Variants in KDM4B observed in about 807,000 individuals in gnomAD.
KDM4B encodes lysine-specific demethylase 4B.
Under a neutral mutation model 125.2 loss-of-function variants are expected in KDM4B, and 32 were observed. The ratio of observed to expected loss-of-function variants is 0.26; its 90% CI spans 0.19 to 0.34. The LOEUF (loss-of-function observed/expected upper bound fraction) is 0.34, where lower values mean the gene tolerates loss of function less well. Ranked by LOEUF, KDM4B falls within the 10% of genes least tolerant of loss-of-function variation. The probability of loss-of-function intolerance (pLI) is 1.00; values close to 1 mark genes in which losing one functional copy is unlikely to be tolerated. For missense variants in KDM4B, 1,190 were observed against 1,577.7 expected (o/e 0.75, Z 4.16); for synonymous variants, 721 against 677.9 (o/e 1.06, Z -0.99).
intron 11 of KDM4B, among the ~76,000 whole-genome samples, chr19:5,123,608 C>T (rs765729453): frequency 3.5e-4 from 54 of 152,248 alleles, no homozygotes; most frequent in Non-Finnish European, 7.1e-4. Flanking sequence ...CGAGGGGCTT[C>T]CTGCAGGGCA....
At chr19:4,988,690 A>G (rs541402320) in intron 1 of KDM4B, among the ~76,000 whole-genome samples, 1 of 151,992 alleles carries the variant, frequency 6.6e-6, no homozygotes, top group South Asian at 2.1e-4. Context: ...AGATGAAGAC[A>G]TGTGTAGGGT....
intron 22 of KDM4B, 23 bp from the exon 23 acceptor site, chr19:5,151,312 A>G (rs960154676): frequency 1.3e-6 from 2 of 1,502,270 alleles, no homozygotes; most frequent in African/African-American, 2.9e-5. Flanking sequence ...CGTGCTAACC[A>G]CTGTGCTTCC....
intron 1 of KDM4B, 92 bp downstream of exon 1, chr19:4,969,322 C>T (rs1339077197): frequency 1.4e-5 from 2 of 146,346 alleles, no homozygotes; most frequent in Non-Finnish European, 3.0e-5. Flanking sequence ...TGCGGGCGCG[C>T]CCGGGACTCG....
intron 1 of KDM4B, among the ~76,000 whole-genome samples, chr19:4,986,184 C>A (rs763876942): frequency 6.6e-6 from 1 of 152,156 alleles, no homozygotes; most frequent in South Asian, 2.1e-4. Flanking sequence ...TGTGCCATGG[C>A]GCTCGCCAAG....
At chr19:4,986,665 G>A (rs1014770761) in intron 1 of KDM4B, among the ~76,000 whole-genome samples, 5 of 152,226 alleles carry the variant, frequency 3.3e-5, no homozygotes, top group Non-Finnish European at 7.3e-5. Context: ...TGCTTTAGCC[G>A]GGGGAACAGG....
chr19:5,057,681 G>T (rs1048576821), intron 6 of KDM4B, among the ~76,000 whole-genome samples: 2 of 152,164 alleles, frequency 1.3e-5, no homozygotes, highest in African/African-American at 2.4e-5. Flanking sequence ...AGAGACGTCC[G>T]ATCTGCCCTT....
intron 6 of KDM4B, among the ~76,000 whole-genome samples, chr19:5,066,738 A>G (rs539150107): frequency 1.4e-4 from 22 of 152,204 alleles, no homozygotes; most frequent in Non-Finnish European, 2.9e-4. Context: ...GCTACCAGGT[A>G]TATGGCTCCA....
intron 6 of KDM4B, among the ~76,000 whole-genome samples, chr19:5,049,738 A>G (rs1004021668): frequency 6.6e-6 from 1 of 152,082 alleles, no homozygotes; most frequent in Admixed American, 6.5e-5. Context: ...AACGTCTACT[A>G]CGGGCTATCA....
At position 5,150,352 on chromosome 19, in the gene KDM4B, C is replaced by T. The variant is rs778906562; in HGVS notation, c.3022-6C>T. 53 of 1,550,488 alleles carry T rather than the reference C, an allele frequency of 3.4e-5. No homozygotes were observed. The highest frequency in any genetic ancestry group is 4.3e-5 in the Non-Finnish European group (49 of 1,146,450). On this transcript the variant is annotated splice_region_variant and splice_polypyrimidine_tract_variant and intron_variant, in intron 21 of 22. Coordinates refer to ENST00000159111, the MANE Select transcript of KDM4B (RefSeq NM_015015.3). ...CCAGGCCCCTGAGAGCCACATCCCC[C>T]TGCAGGTGGAGTTTGAGGACGGGTC... is the stretch of plus-strand genomic sequence containing the variant.
chr19:5,119,229 T>TG, intron 10 of KDM4B: 1 of 1,508,400 alleles, frequency 6.6e-7, no homozygotes, highest in Non-Finnish European at 8.9e-7. Flanking sequence ...CGTAAGTGTC[T>TG]TTTTCGTTCC....
At chr19:5,131,834 C>T (rs2039562201) in intron 12 of KDM4B, 53 bp from the exon 13 acceptor site, 3 of 1,610,852 alleles carry the variant, frequency 1.9e-6, no homozygotes, top group Non-Finnish European at 2.5e-6. Context: ...CCGAGGGAGC[C>T]CCACCCAGGG....
intron 21 of KDM4B, among the ~76,000 whole-genome samples, chr19:5,148,233 C>G (rs1371072698): frequency 6.6e-6 from 1 of 152,248 alleles, no homozygotes; most frequent in East Asian, 1.9e-4. Flanking sequence ...ACGCCGCCTT[C>G]AGAACTCGCC....
intron 3 of KDM4B, 114 bp downstream of exon 3, chr19:5,033,145 G>A (rs2145621431): frequency 8.2e-7 from 1 of 1,226,522 alleles, no homozygotes. Context: ...CACGTGGAAT[G>A]TGTTTCGGGG....
chr19:5,007,712 A>AT (rs532834738), intron 1 of KDM4B, among the ~76,000 whole-genome samples: 162 of 151,662 alleles, frequency 1.1e-3, no homozygotes, highest in Admixed American at 1.8e-3. Context: ...TGCCTGGCTA[A>AT]TTTTTTTCTT....
intron 10 of KDM4B, among the ~76,000 whole-genome samples, chr19:5,118,285 G>A (rs1014071689): frequency 3.9e-5 from 6 of 152,200 alleles, no homozygotes; most frequent in East Asian, 3.8e-4. Context: ...GGAAGCACCC[G>A]GAAGCCGCAG....
intron 9 of KDM4B, among the ~76,000 whole-genome samples, chr19:5,089,226 C>T (rs958823640): frequency 6.6e-6 from 1 of 152,210 alleles, no homozygotes; most frequent in African/African-American, 2.4e-5. Context: ...CCCAGATCAG[C>T]TCTCAGCAAA....
intron 6 of KDM4B, among the ~76,000 whole-genome samples, chr19:5,058,758 G>A (rs988296642): frequency 1.3e-5 from 2 of 152,178 alleles, no homozygotes; most frequent in Non-Finnish European, 1.5e-5. Context: ...CGGGCGCTTC[G>A]GGTTGGAGTG....
At chr19:5,048,593 A>C (rs2037113064) in intron 6 of KDM4B, among the ~76,000 whole-genome samples, 2 of 141,666 alleles carry the variant, frequency 1.4e-5, no homozygotes, top group Admixed American at 7.1e-5. Flanking sequence ...TGGAGTTGTA[A>C]GCGGGGAGAG....
At chr19:5,041,307 G>A (rs759141273) in intron 5 of KDM4B, 56 bp downstream of exon 5, 4 of 1,357,236 alleles carry the variant, frequency 2.9e-6, no homozygotes, top group Non-Finnish European at 4.2e-6. Flanking sequence ...GGTGGTGGTG[G>A]GAGGGCCCTG....
Sources: allele counts gnomAD v4.1 joint callset (sites outside exome capture counted in the v4.1 genomes callset), GRCh38; gene constraint gnomAD v4.1.1; transcripts MANE v1.5; gene names NCBI Gene and HGNC (gene_info 2026-07-23, HGNC 2026-07-21).